Variants in ATXN7L2 observed in about 807,000 individuals in gnomAD.
ATXN7L2 encodes the protein ataxin-7-like protein 2.
Under a neutral mutation model 59.6 loss-of-function variants are expected in ATXN7L2, and 17 were observed. The observed-to-expected ratio is 0.29, with a 90% CI of 0.20 to 0.43. The LOEUF is 0.43. Among genes scored for constraint, ATXN7L2 ranks in the 20% least tolerant of loss-of-function variants. The pLI is 1.00. For synonymous variants in ATXN7L2, 378 were observed against 392.5 expected (o/e 0.96, Z 0.44); for missense variants, 858 against 1,008.9 (o/e 0.85, Z 2.03).
At chr1:109,485,248 A>C in intron 1 of ATXN7L2, 1 of 872,590 alleles carries the variant, frequency 1.1e-6, no homozygotes, top group Non-Finnish European at 1.3e-6. Context: ...GAGGGGGCGT[A>C]GAGGAGGGAG....
chr1:109,487,775 T>C lies in ATXN7L2; in HGVS notation c.767T>C (p.Leu256Pro). The C allele has an allele frequency of 1.2e-6, 2 of 1,608,910 alleles. No individual in the cohort carries two copies. The highest frequency in any genetic ancestry group is 1.7e-6 in the Non-Finnish European group (2 of 1,178,040). Residue 256 changes from leucine (L) to proline (P), a missense_variant, in exon 5 of 11, where the codon CTG (leucine) becomes CCG (proline). Around this residue, in one of 3 missense-constraint regions of ATXN7L2, gnomAD observed 734 missense variants for 862.3 expected, o/e 0.85. Transcript: ENST00000683729. ...GAAAAGGAGCCCAGTGGGACCAGGC[T>C]GCCCCCTAAAACCCACCGGAAGATG... Reference protein sequence around the residue: ...PPEKEPSGTRLPPKTHRKMAR... With the variant: ...PPEKEPSGTRPPPKTHRKMAR...
Position 109,489,990 on chromosome 1 carries a change from C to T in ATXN7L2, c.1194C>T (p.Asp398=). The T allele has an allele frequency of 6.2e-7, 1 of 1,613,742 alleles. No homozygotes were observed. Among genetic ancestry groups the T allele is most frequent in the Non-Finnish European group, 8.5e-7 (1 of 1,179,932 alleles). ...AAGGCCCCTGTGGTGGTGATGGGGA[C>T]CCAGGCCTGTTCCCCTTCCCCATGC... ...DDEGPCGGDG[D]PGLFPFPMPR... Residue 398 remains aspartate, a synonymous_variant, in exon 8 of 11, where the codon GAC becomes GAT. Coordinates refer to ENST00000683729, the MANE Select transcript of ATXN7L2 (RefSeq NM_001350175.2).
At position 109,491,527 on chromosome 1, in the gene ATXN7L2, C is replaced by G. The variant is rs779893662; in HGVS notation, c.2060C>G (p.Ala687Gly). Residue 687 changes from alanine (A) to glycine (G), a missense_variant, in exon 10 of 11, where the codon GCC becomes GGC. Physicochemically the swap from Ala to Gly is moderately conservative, Grantham distance 60 (BLOSUM62 0). Around this residue, in one of 3 missense-constraint regions of ATXN7L2, gnomAD observed 734 missense variants for 862.3 expected, o/e 0.85. Coordinates refer to ENST00000683729, the MANE Select transcript of ATXN7L2 (RefSeq NM_001350175.2). The surrounding 1 kb of genome is among the most constrained non-coding windows in gnomAD (Gnocchi z 4.1). Reference sequence around the variant, plus strand: ...AACCGGGGAGCAGCTGGACACCCAGCCAAGGCCCTGCCAACCAACTGCCTC... The same window carrying G: ...AACCGGGGAGCAGCTGGACACCCAGGCAAGGCCCTGCCAACCAACTGCCTC... Reference protein sequence around the residue: ...LENRGAAGHPAKALPTNCLSE... With the variant: ...LENRGAAGHPGKALPTNCLSE... 34 of 1,613,862 alleles carry G rather than the reference C, an allele frequency of 2.1e-5. No homozygotes were observed. Among genetic ancestry groups the G allele is most frequent in the Non-Finnish European group, 2.7e-5 (32 of 1,180,038 alleles).
In ATXN7L2 at chr1:109,484,049, G is replaced by A; in HGVS notation, c.96G>A (p.Trp32Ter). 1 of 1,516,602 alleles carries A rather than the reference G, an allele frequency of 6.6e-7. No individual in the cohort carries two copies. Among genetic ancestry groups the A allele is most frequent in the Non-Finnish European group, 8.9e-7 (1 of 1,129,552 alleles). 93.9% of individuals were successfully genotyped at this position (1,516,602 alleles called of 1,614,324 possible). A position where few individuals can be genotyped will look rare whatever the true frequency, so the allele number is the denominator to read the frequency against. ...TCGCGGGACAGAGCTGGAGCTCGTG[G>A]GTGGAGCGGGCCGACCTGCCCGCGG... ...DDFAGQSWSS[W>*]VERADLPAAD... Residue 32 changes from tryptophan to a stop codon, truncating the protein, a stop_gained, in exon 1 of 11, where the codon TGG (tryptophan) becomes TGA (stop). Transcript: ENST00000683729. LOFTEE classifies it high-confidence loss of function.
rs757266918 is a variant in ATXN7L2, at chr1:109,490,083, A to G, written c.1287A>G (p.Pro429=). 2.5e-6 allele frequency: 4 copies of G among 1,593,686 alleles called. No individual in the cohort carries two copies. The highest frequency in any genetic ancestry group is 3.5e-5 in the Admixed American group (2 of 57,412). ...AGGGGACATCTGACGACCTCCACCC[A>G]CCCCCTGACTGCCATTATGCAACCC... ...EEEGTSDDLH[P]PPDCHYATRP... Residue 429 remains proline, a synonymous_variant, in exon 8 of 11, where the codon CCA becomes CCG. Transcript: ENST00000683729.
In ATXN7L2 at chr1:109,491,434, C is replaced by T. The variant is rs150596478; in HGVS notation, c.1967C>T (p.Ala656Val). 1.1e-5 allele frequency: 17 copies of T among 1,614,046 alleles called. No homozygotes were observed. The highest frequency in any genetic ancestry group is 1.4e-5 in the Non-Finnish European group (17 of 1,180,062). ...ACAATGGGGCCAAGAGTGAAGCGGG[C>T]AGGGCCCCTGGACTGTCGTGGCTCC... The part of the protein sequence containing the change: ...NGTMGPRVKR[A>V]GPLDCRGSPH... The change falls in exon 10 of 11, where the codon GCA (alanine) becomes GTA (valine). Residue 656 changes from alanine to valine, a missense_variant. Physicochemically the swap from Ala to Val is moderately conservative, Grantham distance 64. Transcript: ENST00000683729. The surrounding 1 kb of genome is among the most constrained non-coding windows in gnomAD (Gnocchi z 4.1).
chr1:109,489,850 G>C, intron 7 of ATXN7L2, 80 bp from the exon 8 acceptor site: 1 of 1,512,956 alleles, frequency 6.6e-7, no homozygotes, highest in East Asian at 2.3e-5. Context: ...CCTGCTCTTT[G>C]AGCTCGGCAG....
At position 109,488,363 on chromosome 1, in the gene ATXN7L2, T is replaced by C. The variant is rs769414525; in HGVS notation, c.797-20T>C. On this transcript the variant is annotated intron_variant, in intron 5 of 10. Coordinates refer to ENST00000683729, the MANE Select transcript of ATXN7L2 (RefSeq NM_001350175.2). The surrounding 1 kb of genome is among the most constrained non-coding windows in gnomAD (Gnocchi z 5.0). ...TCCTGGAAATGGTCTTGAGGTTCAT[T>C]GGAAGTGCTTTCCCCACAGGGAAGG... The C allele has an allele frequency of 2.5e-6, 4 of 1,584,000 alleles. No individual in the cohort carries two copies. The highest frequency in any genetic ancestry group is 3.4e-6 in the Non-Finnish European group (4 of 1,160,994).
chr1:109,490,933 C>T lies in ATXN7L2; in HGVS notation c.1466C>T (p.Pro489Leu), dbSNP rs569865168. 9 of 1,552,104 alleles carry T rather than the reference C, an allele frequency of 5.8e-6. No homozygotes were observed. The highest frequency in any genetic ancestry group is 5.5e-5 in the African/African-American group (4 of 72,820). The change falls in exon 10 of 11, where the codon CCG (proline) becomes CTG (leucine). Residue 489 changes from proline to leucine, a missense_variant. Coordinates refer to ENST00000683729, the MANE Select transcript of ATXN7L2 (RefSeq NM_001350175.2). Reference sequence around the variant, plus strand: ...TCTTTTTGCTGCAGGAAGATCCCACCGGCAGCTGAACCTCCAGCTCACCTT... The same window carrying T: ...TCTTTTTGCTGCAGGAAGATCCCACTGGCAGCTGAACCTCCAGCTCACCTT... ...LSTHMWKKIP[P>L]AAEPPAHLVN...
intron 1 of ATXN7L2, chr1:109,485,391 A>G (rs1006175719): frequency 1.1e-5 from 11 of 985,430 alleles, no homozygotes; most frequent in African/African-American, 1.0e-4. Context: ...AGGGACTTGC[A>G]TAGCTGACCA....
intron 7 of ATXN7L2, 72 bp downstream of exon 7, chr1:109,489,172 C>G (rs958409300): frequency 2.6e-5 from 40 of 1,543,054 alleles, no homozygotes; most frequent in Non-Finnish European, 3.2e-5. Flanking sequence ...CCCCTGGAAA[C>G]AGGCTCAGGG....
chr1:109,488,931 C>T lies in ATXN7L2; in HGVS notation c.964C>T (p.Arg322Cys), dbSNP rs146370673. The T allele has an allele frequency of 5.6e-6, 9 of 1,614,018 alleles. No homozygotes were observed. The highest frequency in any genetic ancestry group is 5.0e-5 in the Admixed American group (3 of 59,998). Reference sequence around the variant, plus strand: ...GGTGGCAGAGCTGAAGGCCAACTCCCGCAAAGGGGAGTCTCCCAAGGAGAA... The same window carrying T: ...GGTGGCAGAGCTGAAGGCCAACTCCTGCAAAGGGGAGTCTCCCAAGGAGAA... ...VLVAELKANS[R>C]KGESPKEKSP... Residue 322 changes from arginine to cysteine, a missense_variant, in exon 7 of 11, where the codon CGC becomes TGC. Arg to Cys is a radical substitution (Grantham distance 180). Coordinates refer to ENST00000683729, the MANE Select transcript of ATXN7L2 (RefSeq NM_001350175.2). The surrounding 1 kb of genome is among the most constrained non-coding windows in gnomAD (Gnocchi z 5.0).
chr1:109,487,623 G>A lies in ATXN7L2; in HGVS notation c.615G>A (p.Gly205=). 6.3e-7 allele frequency: 1 copy of A among 1,598,360 alleles called. No individual in the cohort carries two copies. Among genetic ancestry groups the A allele is most frequent in the Non-Finnish European group, 8.5e-7 (1 of 1,172,524 alleles). The change falls in exon 5 of 11, where the codon GGG becomes GGA. Residue 205 remains glycine, a synonymous_variant. Coordinates refer to ENST00000683729, the MANE Select transcript of ATXN7L2 (RefSeq NM_001350175.2). ...CCTCTGCTTTTCTCAGCCAGCCAGG[G>A]GGCCTCACCAAGGACTCCCCTGGAA... The part of the protein sequence containing the change: ...APPSAFLSQP[G]GLTKDSPGKP...
Position 109,487,669 on chromosome 1 carries a change from T to C in ATXN7L2, c.661T>C (p.Ser221Pro). Reference protein sequence around the residue: ...SPGKPPMAPPSKEPPGRENIE... With the variant: ...SPGKPPMAPPPKEPPGRENIE... ...TGGAAAACCTCCCATGGCTCCCCCT[T>C]CTAAAGAACCTCCTGGCAGAGAGAA... Residue 221 changes from serine to proline, a missense_variant, in exon 5 of 11, where the codon TCT (serine) becomes CCT (proline). This residue lies in a region of ATXN7L2 where 734 missense variants were observed against 862.3 expected (regional missense o/e 0.85). Coordinates refer to ENST00000683729, the MANE Select transcript of ATXN7L2 (RefSeq NM_001350175.2). 6.2e-7 allele frequency: 1 copy of C among 1,612,146 alleles called. No homozygotes were observed.
rs938568800 is a variant in ATXN7L2, at chr1:109,486,348, T to A, written c.194-158T>A. The A allele has an allele frequency of 1.1e-6, 1 of 936,806 alleles. No individual in the cohort carries two copies. The highest frequency in any genetic ancestry group is 1.6e-6 in the Non-Finnish European group (1 of 635,454). 58.0% of individuals were successfully genotyped at this position (936,806 alleles called of 1,614,324 possible). ...GAAAGCGTATACCCTTTGGGACTGC[T>A]TAGATCGAACTCTGGAAGCTGGAAG... is the stretch of plus-strand genomic sequence containing the variant. On this transcript the variant is annotated intron_variant, in intron 2 of 10. Coordinates refer to ENST00000683729, the MANE Select transcript of ATXN7L2 (RefSeq NM_001350175.2). The surrounding 1 kb of genome is among the most constrained non-coding windows in gnomAD (Gnocchi z 4.3).
In ATXN7L2 at chr1:109,488,441, C is replaced by G. The variant is rs1172843793; in HGVS notation, c.855C>G (p.Ile285Met). 6.2e-7 allele frequency: 1 copy of G among 1,606,426 alleles called. No individual in the cohort carries two copies. The highest frequency in any genetic ancestry group is 8.5e-7 in the Non-Finnish European group (1 of 1,174,858). Residue 285 changes from isoleucine to methionine, a missense_variant, in exon 6 of 11, where the codon ATC (isoleucine) becomes ATG (methionine). Ile to Met is a conservative substitution (Grantham distance 10). This residue lies in a region of ATXN7L2 where 734 missense variants were observed against 862.3 expected (regional missense o/e 0.85). Transcript: ENST00000683729. The surrounding 1 kb of genome is among the most constrained non-coding windows in gnomAD (Gnocchi z 5.0). ...CGVINPETKK[I>M]CTRLLTCKIH... is the part of the protein sequence containing the mutation. ...TAATAAATCCAGAGACCAAAAAGAT[C>G]TGTACCCGCCTGTTGACCTGCAAGG...
chr1:109,489,702 G>T, intron 7 of ATXN7L2: 1 of 579,180 alleles, frequency 1.7e-6, no homozygotes, highest in Admixed American at 3.3e-5. Flanking sequence ...GGAAGGGGCT[G>T]GGAGGTGAAG....
At chr1:109,489,809 T>G (rs41279732) in intron 7 of ATXN7L2, 121 bp from the exon 8 acceptor site, 56,335 of 986,504 alleles carry the variant, frequency 0.057, 2,125 homozygotes, top group Non-Finnish European at 0.072. Flanking sequence ...TGTCCTCTTC[T>G]GATTGCCCTG....
intron 10 of ATXN7L2, chr1:109,492,175 G>GT: frequency 2.1e-6 from 2 of 965,744 alleles, no homozygotes; most frequent in Non-Finnish European, 2.5e-6. Context: ...ACAACCCCAT[G>GT]TCCACTTATG....
Sources: gnomAD v4.1 joint callset for allele counts on GRCh38, gnomAD v4.1.1 for gene constraint, gnomAD v4.1.1 regional missense constraint, Gnocchi (gnomAD v3.1) non-coding constraint, MANE v1.5 for transcripts, NCBI Gene and HGNC (gene_info 2026-07-23, HGNC 2026-07-21) for gene names.